DDAH1: variants seen among roughly 807,000 people sequenced by gnomAD.
DDAH1 encodes N(G),N(G)-dimethylarginine dimethylaminohydrolase 1.
A neutral mutation model predicts 28.8 loss-of-function variants in DDAH1; 19 were observed. The observed-to-expected ratio is 0.66, with a 90% confidence interval of 0.46 to 0.97. DDAH1 has a LOEUF of 0.97. DDAH1 is among the 50% of genes least tolerant of loss of function. DDAH1 has a pLI of 0.00. For missense variants in DDAH1, 326 were observed against 375.9 expected (o/e 0.87, Z 1.10); for synonymous variants, 153 against 154.4 (o/e 0.99, Z 0.07).
chr1:85,536,749 T>C (rs1251830506), intron 1 of DDAH1, among the ~76,000 whole-genome samples: 1 of 151,902 alleles, frequency 6.6e-6, no homozygotes, highest in Non-Finnish European at 1.5e-5. Context: ...GAAAACAATA[T>C]GGAAGTTCCT....
rs546552425 is a variant in DDAH1, at chr1:85,523,010, C to T, written c.-122-26729G>A. On this transcript the variant is annotated intron_variant, in intron 1 of 6. Transcript: ENST00000426972. ...TGAGACTGTAATCTAGCAGTAGAGACAATTAAACCAACAATTACAAAATAA... is the reference window on the plus strand; with the variant it reads ...TGAGACTGTAATCTAGCAGTAGAGATAATTAAACCAACAATTACAAAATAA... 6.9e-3 allele frequency among the ~76,000 whole-genome samples: 1,035 copies of T among 150,856 alleles called. 13 individuals carry two copies. The highest frequency in any genetic ancestry group is 0.024 in the African/African-American group (982 of 40,962).
In DDAH1 at chr1:85,419,961, G is replaced by C. The variant is rs1027465335; in HGVS notation, c.303+44782C>G. On this transcript the variant is annotated intron_variant, in intron 1 of 5. Coordinates refer to ENST00000284031, the MANE Select transcript of DDAH1 (RefSeq NM_012137.4). The stretch of plus-strand genomic sequence containing the variant: ...ATTAGTCTGGGCTTATCATTTTTTG[G>C]AGAGAATCACAGGGGTAAAGTGCCA... Among the ~76,000 whole-genome samples, 15 of 152,124 alleles carry C rather than the reference G, an allele frequency of 9.9e-5. No homozygotes were observed. In the South Asian group the frequency reaches 2.7e-3, roughly 27 times the overall value.
At chr1:85,432,191 A>T (rs1351089449) in intron 1 of DDAH1, among the ~76,000 whole-genome samples, 1 of 152,192 alleles carries the variant, frequency 6.6e-6, no homozygotes, top group Non-Finnish European at 1.5e-5. Context: ...GAGCATGAAG[A>T]AATGAATAAA....
intron 1 of DDAH1, among the ~76,000 whole-genome samples, chr1:85,413,343 G>A (rs1192411203): frequency 6.6e-6 from 1 of 152,170 alleles, no homozygotes; most frequent in African/African-American, 2.4e-5. Flanking sequence ...TTGAAAGTTT[G>A]GATTCCTGTG....
chr1:85,465,433 C>T (rs1181593259), upstream of DDAH1, among the ~76,000 whole-genome samples: 1 of 149,118 alleles, frequency 6.7e-6, no homozygotes, highest in Non-Finnish European at 1.5e-5. Context: ...TGTGTTCTGT[C>T]GCAGGTGCAC....
chr1:85,461,657 A>G (rs1655130707), intron 1 of DDAH1, among the ~76,000 whole-genome samples: 1 of 152,220 alleles, frequency 6.6e-6, no homozygotes, highest in Admixed American at 6.5e-5. Flanking sequence ...AATAATGAGA[A>G]CACTTGTTCA....
intron 4 of DDAH1, among the ~76,000 whole-genome samples, chr1:85,326,097 A>G (rs1382525018): frequency 1.3e-5 from 2 of 152,260 alleles, no homozygotes; most frequent in African/African-American, 4.8e-5. Context: ...GAGAGACAGC[A>G]TGCTTCCTGT....
At chr1:85,454,461 A>G in intron 1 of DDAH1, among the ~76,000 whole-genome samples, 1 of 152,222 alleles carries the variant, frequency 6.6e-6, no homozygotes, top group Non-Finnish European at 1.5e-5. Context: ...CATGATTCCC[A>G]GGACCCAACT....
At chr1:85,546,645 T>C (rs765666886) in intron 1 of DDAH1, among the ~76,000 whole-genome samples, 69 of 152,176 alleles carry the variant, frequency 4.5e-4, no homozygotes, top group Admixed American at 1.8e-3. Flanking sequence ...ACAGTCACTC[T>C]TTTATTAAAA....
chr1:85,435,806 A>G (rs574353642), intron 1 of DDAH1, among the ~76,000 whole-genome samples: 4 of 152,192 alleles, frequency 2.6e-5, no homozygotes, highest in South Asian at 4.1e-4. Flanking sequence ...TTTTTGAGAC[A>G]GTCTCTCTTT....
intron 1 of DDAH1, among the ~76,000 whole-genome samples, chr1:85,449,228 A>C (rs1654561977): frequency 6.6e-6 from 1 of 152,216 alleles, no homozygotes; most frequent in Non-Finnish European, 1.5e-5. Flanking sequence ...AGCATAAGGC[A>C]GGTTGGTGTC....
intron 2 of DDAH1, among the ~76,000 whole-genome samples, chr1:85,356,094 G>C (rs2100852801): frequency 6.6e-6 from 1 of 152,306 alleles, no homozygotes; most frequent in South Asian, 2.1e-4. Context: ...CTATGGTCCT[G>C]GCAATGTTCT....
At chr1:85,339,046 CA>C (rs67167548) in intron 4 of DDAH1, among the ~76,000 whole-genome samples, 5,505 of 138,448 alleles carry the variant, frequency 0.04, 352 homozygotes, top group African/African-American at 0.14. Flanking sequence ...GACTCCGTCT[CA>C]AAAAAAAAAA....
At chr1:85,475,490 C>T (rs1344519382) in intron 2 of DDAH1, among the ~76,000 whole-genome samples, 4 of 152,106 alleles carry the variant, frequency 2.6e-5, no homozygotes, top group African/African-American at 9.7e-5. Context: ...AAATTATTGC[C>T]CAACTTCCCC....
chr1:85,421,926 T>C (rs1397676037), intron 1 of DDAH1, among the ~76,000 whole-genome samples: 1 of 152,204 alleles, frequency 6.6e-6, no homozygotes, highest in African/African-American at 2.4e-5. Flanking sequence ...GTGGACATGC[T>C]TTTTCAATGC....
At chr1:85,518,237 G>A (rs1438401085) in intron 1 of DDAH1, among the ~76,000 whole-genome samples, 1 of 152,122 alleles carries the variant, frequency 6.6e-6, no homozygotes, top group African/African-American at 2.4e-5. Context: ...CATTTCCATT[G>A]CTGCCTTAAC....
chr1:85,470,254 A>T (rs534349092), intron 2 of DDAH1, among the ~76,000 whole-genome samples: 1 of 152,386 alleles, frequency 6.6e-6, no homozygotes, highest in South Asian at 2.1e-4. Context: ...CCTTACAATC[A>T]TGGTGGAAGG....
At chr1:85,527,434 T>C (rs1370828221) in intron 1 of DDAH1, among the ~76,000 whole-genome samples, 4 of 152,198 alleles carry the variant, frequency 2.6e-5, no homozygotes, top group Admixed American at 6.5e-5. Flanking sequence ...CCTTGAGAGT[T>C]TGCAAGAAGC....
At chr1:85,543,696 T>G (rs1658537803) in intron 1 of DDAH1, among the ~76,000 whole-genome samples, 1 of 152,234 alleles carries the variant, frequency 6.6e-6, no homozygotes, top group Admixed American at 6.5e-5. Context: ...CTTGTTTAAG[T>G]AATTATTAGA....
Sources: allele counts gnomAD v4.1 joint callset (sites outside exome capture counted in the v4.1 genomes callset), GRCh38; gene constraint gnomAD v4.1.1; transcripts MANE v1.5; gene names NCBI Gene and HGNC (gene_info 2026-07-23, HGNC 2026-07-21).